The following PAPPA2 variants were observed in gnomAD, a reference collection of about 807,000 sequenced individuals.
PAPPA2 encodes pappalysin 2, also known as pappalysin-2.
A neutral mutation model predicts 176.4 loss-of-function variants in PAPPA2; 86 were observed. The observed-to-expected ratio is 0.49, with a 90% CI of 0.41 to 0.58. PAPPA2 has a LOEUF of 0.58. Among genes scored for constraint, PAPPA2 ranks in the 20% least tolerant of loss-of-function variants. PAPPA2 has a pLI of 0.00. For synonymous variants in PAPPA2, 809 were observed against 852.2 expected (o/e 0.95, Z 0.88); for missense variants, 2,073 against 2,256.9 (o/e 0.92, Z 1.65).
At chr1:176,520,135 G>A (rs1649133275) in intron 1 of PAPPA2, among the ~76,000 whole-genome samples, 1 of 152,128 alleles carries the variant, frequency 6.6e-6, no homozygotes, top group South Asian at 2.1e-4. Context: ...CTCTAGACAA[G>A]GAACAAAGTG....
chr1:176,682,264 G>A (rs1000845138), intron 4 of PAPPA2, among the ~76,000 whole-genome samples: 2 of 152,162 alleles, frequency 1.3e-5, no homozygotes, highest in Non-Finnish European at 2.9e-5. Context: ...CCCACAGAAG[G>A]TGAAGAGGGG....
At chr1:176,763,112 T>C (rs1458145116) in intron 14 of PAPPA2, among the ~76,000 whole-genome samples, 1 of 152,228 alleles carries the variant, frequency 6.6e-6, no homozygotes, top group Non-Finnish European at 1.5e-5. Context: ...ATGTGCATAT[T>C]CAATGATATT....
At chr1:176,756,878 C>T (rs1663451724) in intron 14 of PAPPA2, among the ~76,000 whole-genome samples, 1 of 152,150 alleles carries the variant, frequency 6.6e-6, no homozygotes, top group South Asian at 2.1e-4. Context: ...CGCCAAAAGG[C>T]CCCGGTGTGT....
chr1:176,622,678 G>T (rs1248071113), intron 3 of PAPPA2, among the ~76,000 whole-genome samples: 2 of 152,188 alleles, frequency 1.3e-5, no homozygotes, highest in Non-Finnish European at 2.9e-5. Context: ...CACAGCTGAT[G>T]TATAGAGAGT....
chr1:176,500,961 A>G (rs1179666388), intron 1 of PAPPA2, among the ~76,000 whole-genome samples: 1 of 151,934 alleles, frequency 6.6e-6, no homozygotes, highest in African/African-American at 2.4e-5. Flanking sequence ...TTGCTAGGTT[A>G]GCATTAACTG....
At chr1:176,754,612 A>G (rs1414362833) in intron 14 of PAPPA2, among the ~76,000 whole-genome samples, 1 of 152,266 alleles carries the variant, frequency 6.6e-6, no homozygotes, top group Non-Finnish European at 1.5e-5. Flanking sequence ...ATAGCCATTT[A>G]GAAGTTTTAG....
intron 3 of PAPPA2, among the ~76,000 whole-genome samples, chr1:176,598,723 TA>T (rs1021521224): frequency 1.3e-5 from 2 of 152,110 alleles, no homozygotes; most frequent in South Asian, 2.1e-4. Context: ...TCTTCACCCT[TA>T]AAAAAATGTT....
intron 2 of PAPPA2, among the ~76,000 whole-genome samples, chr1:176,581,922 CTTTTTT>C (rs538920194): frequency 1.2e-5 from 1 of 80,994 alleles, no homozygotes; most frequent in Non-Finnish European, 2.4e-5. Flanking sequence ...TTCTTTCTTT[CTTTTTT>C]TTTTTTTTTT....
At chr1:176,621,384 C>T (rs982687055) in intron 3 of PAPPA2, among the ~76,000 whole-genome samples, 4 of 152,072 alleles carry the variant, frequency 2.6e-5, no homozygotes, top group African/African-American at 4.8e-5. Context: ...GATAGACAAA[C>T]GGGGGATATC....
At chr1:176,709,131 G>A (rs577626936) in intron 10 of PAPPA2, among the ~76,000 whole-genome samples, 5 of 152,250 alleles carry the variant, frequency 3.3e-5, no homozygotes, top group East Asian at 3.9e-4. Flanking sequence ...AACTTGTCCA[G>A]TGCATACTAG....
chr1:176,764,557 CAT>C (rs1663848771), intron 14 of PAPPA2, among the ~76,000 whole-genome samples: 1 of 151,498 alleles, frequency 6.6e-6, no homozygotes, highest in African/African-American at 2.4e-5. Context: ...ATGGTTCTGC[CAT>C]GGCAAGAGGG....
intron 17 of PAPPA2, among the ~76,000 whole-genome samples, chr1:176,787,473 A>C (rs542819810): frequency 2.4e-4 from 37 of 152,166 alleles, no homozygotes; most frequent in African/African-American, 8.7e-4. Flanking sequence ...TGACCTCAAG[A>C]GACCTGTCTG....
At chr1:176,784,645 G>A (rs1664854865) in intron 17 of PAPPA2, among the ~76,000 whole-genome samples, 1 of 150,950 alleles carries the variant, frequency 6.6e-6, no homozygotes, top group Non-Finnish European at 1.5e-5. Flanking sequence ...GGAGTGCAGT[G>A]GTGCGATTTC....
At chr1:176,523,817 A>G (rs1649333187) in intron 1 of PAPPA2, among the ~76,000 whole-genome samples, 1 of 152,216 alleles carries the variant, frequency 6.6e-6, no homozygotes, top group African/African-American at 2.4e-5. Flanking sequence ...TAACTGAATC[A>G]GAGACATAAG....
chr1:176,547,412 T>C (rs1202243032), intron 1 of PAPPA2, among the ~76,000 whole-genome samples: 1 of 152,200 alleles, frequency 6.6e-6, no homozygotes, highest in Non-Finnish European at 1.5e-5. Context: ...GTAGGAAGAT[T>C]ATATAATCAT....
At chr1:176,606,125 T>G (rs1654598538) in intron 3 of PAPPA2, among the ~76,000 whole-genome samples, 1 of 151,764 alleles carries the variant, frequency 6.6e-6, no homozygotes, top group Non-Finnish European at 1.5e-5. Flanking sequence ...GCATTTTGCA[T>G]GGATTATTTT....
chr1:176,704,420 T>C (rs936794613), intron 9 of PAPPA2, among the ~76,000 whole-genome samples: 6 of 152,148 alleles, frequency 3.9e-5, no homozygotes, highest in African/African-American at 1.4e-4. Flanking sequence ...CACTTGTCAA[T>C]AGGACTACCA....
At chr1:176,727,838 A>C (rs1242599272) in intron 12 of PAPPA2, among the ~76,000 whole-genome samples, 1 of 152,060 alleles carries the variant, frequency 6.6e-6, no homozygotes, top group African/African-American at 2.4e-5. Context: ...TGTTTGAAGC[A>C]TACAGACAAA....
rs1358059920 is a variant in PAPPA2 at position 176,634,810 on chromosome 1, A to G, written c.1992-36160A>G. Among the ~76,000 whole-genome samples, 8 of 134,270 alleles carry G rather than the reference A, an allele frequency of 6.0e-5. No homozygotes were observed. In the South Asian group the frequency reaches 1.9e-3, roughly 32 times the overall value. 88.1% of individuals were successfully genotyped at this position (134,270 alleles called of 152,430 possible). ...AATTTCCAAGGAGAGAGATAGATAG[A>G]TAGATAGATAGATAGATAGATAGAT... On this transcript the variant is annotated intron_variant, in intron 3 of 22. Coordinates refer to ENST00000367662, the MANE Select transcript of PAPPA2 (RefSeq NM_020318.3).
Sources: gnomAD v4.1 joint callset for allele counts (sites outside exome capture counted in the v4.1 genomes callset) on GRCh38, gnomAD v4.1.1 for gene constraint, MANE v1.5 for transcripts, NCBI Gene and HGNC (gene_info 2026-07-23, HGNC 2026-07-21) for gene names.